Variants in CLEC9A observed in about 807,000 individuals in gnomAD.
The protein encoded by CLEC9A is C-type lectin domain family 9 member A.
A neutral mutation model predicts 30.0 loss-of-function variants in CLEC9A; 24 were observed. The ratio of observed to expected loss-of-function variants is 0.80; its 90% CI spans 0.58 to 1.13. CLEC9A has a LOEUF of 1.13. Among genes scored for constraint, CLEC9A ranks in the 50% most tolerant of loss-of-function variants. The probability of loss-of-function intolerance (pLI) is 0.00; values close to 1 mark genes in which losing one functional copy is unlikely to be tolerated. For missense variants in CLEC9A, 251 were observed against 280.9 expected (o/e 0.89, Z 0.76); for synonymous variants, 111 against 96.8 (o/e 1.15, Z -0.86).
chr12:10,065,360 A>G, intron 8 of CLEC9A, 140 bp from the exon 9 acceptor site: 1 of 765,198 alleles, frequency 1.3e-6, no homozygotes, highest in Non-Finnish European at 2.1e-6. Flanking sequence ...GTTACTGAAG[A>G]AGGAGGATGA....
At chr12:10,034,492 G>A (rs1194555259) in intron 1 of CLEC9A, among the ~76,000 whole-genome samples, 1 of 152,172 alleles carries the variant, frequency 6.6e-6, no homozygotes, top group African/African-American at 2.4e-5. Flanking sequence ...TGCTTTCGAT[G>A]TAAAATTATA....
chr12:10,046,647 A>G (rs957562417), intron 2 of CLEC9A, among the ~76,000 whole-genome samples: 2 of 152,224 alleles, frequency 1.3e-5, no homozygotes. Flanking sequence ...ACTAGTGAAT[A>G]CAATTTATAA....
chr12:10,031,241 G>C (rs1424084595), intron 1 of CLEC9A, among the ~76,000 whole-genome samples: 2 of 152,168 alleles, frequency 1.3e-5, no homozygotes, highest in Admixed American at 6.5e-5. Flanking sequence ...TGGAGCCGCT[G>C]GTGGAAAGAC....
At chr12:10,063,962 T>G (rs1866020159) in intron 7 of CLEC9A, among the ~76,000 whole-genome samples, 1 of 152,088 alleles carries the variant, frequency 6.6e-6, no homozygotes, top group Admixed American at 6.6e-5. Context: ...TGAGCCGAGA[T>G]TCAGCCATTG....
At chr12:10,052,406 C>A in intron 3 of CLEC9A, 1 of 773,518 alleles carries the variant, frequency 1.3e-6, no homozygotes, top group Non-Finnish European at 1.7e-6. Context: ...ACATCTGCTA[C>A]ATTTTGGAAA....
chr12:10,060,225 A>G (rs542292389), intron 5 of CLEC9A, among the ~76,000 whole-genome samples: 5 of 152,230 alleles, frequency 3.3e-5, no homozygotes, highest in Admixed American at 3.3e-4. Flanking sequence ...AGAAATGAAA[A>G]TTTATGTTCA....
In CLEC9A at chr12:10,041,694, G is replaced by A. The variant is rs539269588; in HGVS notation, c.-163+74G>A. On this transcript the variant is annotated intron_variant, in intron 2 of 8. Coordinates refer to ENST00000355819, the MANE Select transcript of CLEC9A (RefSeq NM_207345.4). ...TCAAATGTAACATTTGACCTTTTTT[G>A]TTTTTTACATTTTTCTTAACATCTT... The A allele has an allele frequency of 1.6e-4, 80 of 507,086 alleles. 1 individual carries two copies. Among genetic ancestry groups the A allele is most frequent in the Middle Eastern group, 3.5e-4 (1 of 2,826 alleles). The allele number at this position is 507,086 out of a possible 1,614,324, so 31.4% of individuals were successfully genotyped here.
chr12:10,033,149 C>T (rs1426664897), intron 1 of CLEC9A, among the ~76,000 whole-genome samples: 1 of 151,990 alleles, frequency 6.6e-6, no homozygotes, highest in African/African-American at 2.4e-5. Flanking sequence ...ATACAGTGTT[C>T]CCTAGGACAC....
intron 5 of CLEC9A, among the ~76,000 whole-genome samples, chr12:10,055,694 T>C (rs1865935983): frequency 6.6e-6 from 1 of 152,112 alleles, no homozygotes; most frequent in South Asian, 2.1e-4. Context: ...ATCTATAGTC[T>C]CCAATTGCCA....
In CLEC9A at chr12:10,045,904, T is replaced by G. The variant is rs1865841863; in HGVS notation, c.-163+4284T>G. Among the ~76,000 whole-genome samples, 3 of 152,244 alleles carry G rather than the reference T, an allele frequency of 2.0e-5. No homozygotes were observed. In the South Asian group the frequency reaches 6.2e-4, roughly 31 times the overall value. ...TCTAATTACCTGAATATAATATGAT[T>G]TACTGCATCTTCATATATACACATA... is the stretch of plus-strand genomic sequence containing the variant. On this transcript the variant is annotated intron_variant, in intron 2 of 8. Coordinates refer to ENST00000355819, the MANE Select transcript of CLEC9A (RefSeq NM_207345.4).
At chr12:10,056,695 G>A (rs535456140) in intron 5 of CLEC9A, among the ~76,000 whole-genome samples, 1 of 152,184 alleles carries the variant, frequency 6.6e-6, no homozygotes, top group Non-Finnish European at 1.5e-5. Flanking sequence ...ATATTTCAAT[G>A]TTTACTTTTC....
chr12:10,051,140 G>A (rs1334325678), intron 2 of CLEC9A, among the ~76,000 whole-genome samples: 2 of 151,848 alleles, frequency 1.3e-5, no homozygotes, highest in Non-Finnish European at 2.9e-5. Flanking sequence ...AGGAGGCAGA[G>A]GTTGCAGTGA....
chr12:10,033,995 G>T (rs1220620757), intron 1 of CLEC9A, among the ~76,000 whole-genome samples: 1 of 152,080 alleles, frequency 6.6e-6, no homozygotes, highest in Non-Finnish European at 1.5e-5. Flanking sequence ...GACAGAGGAT[G>T]GATATAGGAT....
In CLEC9A at chr12:10,052,720, G is replaced by A. The variant is rs1033247487; in HGVS notation, c.33G>A (p.Gln11=). 1.9e-6 allele frequency: 3 copies of A among 1,613,964 alleles called. No individual in the cohort carries two copies. The highest frequency in any genetic ancestry group is 1.3e-5 in the African/African-American group (1 of 75,016). The part of the protein sequence containing the change: MHEEEIYTSL[Q]WDSPAPDTYQ... ...AGGAAGAAATATACACCTCTCTTCA[G>A]TGGGATAGCCCAGCACCAGACACTT... Residue 11 remains glutamine, a synonymous_variant, in exon 4 of 9, where the codon CAG becomes CAA. Transcript: ENST00000355819.
chr12:10,062,554 C>T (rs971395978), intron 6 of CLEC9A, among the ~76,000 whole-genome samples: 1 of 152,202 alleles, frequency 6.6e-6, no homozygotes, highest in Non-Finnish European at 1.5e-5. Flanking sequence ...TTTCAAATCA[C>T]TCCTTAAGGC....
intron 2 of CLEC9A, among the ~76,000 whole-genome samples, chr12:10,049,716 G>T (rs1389935157): frequency 1.1e-4 from 16 of 152,130 alleles, no homozygotes; most frequent in Admixed American, 6.5e-5. Flanking sequence ...TCTGAATTAG[G>T]CTTTGGCTTA....
intron 5 of CLEC9A, among the ~76,000 whole-genome samples, chr12:10,058,426 C>A (rs1025099312): frequency 6.6e-6 from 1 of 152,130 alleles, no homozygotes; most frequent in South Asian, 2.1e-4. Flanking sequence ...AACTATCCAC[C>A]GATGGACAGG....
intron 3 of CLEC9A, 127 bp from the exon 4 acceptor site, chr12:10,052,501 GAC>G: frequency 7.8e-7 from 1 of 1,287,368 alleles, no homozygotes; most frequent in East Asian, 2.8e-5. Flanking sequence ...TTTTGGCTTA[GAC>G]TTCATAAACT....
chr12:10,054,223 T>C, intron 4 of CLEC9A, 48 bp from the exon 5 acceptor site: 1 of 1,466,444 alleles, frequency 6.8e-7, no homozygotes, highest in Non-Finnish European at 9.5e-7. Context: ...CCCGTCTTTT[T>C]TATCTGCTTT....
Sources: allele counts gnomAD v4.1 joint callset (sites outside exome capture counted in the v4.1 genomes callset), GRCh38; gene constraint gnomAD v4.1.1; transcripts MANE v1.5; gene names NCBI Gene and HGNC (gene_info 2026-07-23, HGNC 2026-07-21).